Variants in SIPA1L1 observed in about 807,000 individuals in gnomAD.
SIPA1L1 encodes signal-induced proliferation-associated 1-like protein 1.
A neutral mutation model predicts 162.7 loss-of-function variants in SIPA1L1; 26 were observed. That is an observed-to-expected ratio of 0.16 (90% CI 0.12 to 0.22). The LOEUF (loss-of-function observed/expected upper bound fraction) is 0.22, where lower values mean the gene tolerates loss of function less well. Ranked by LOEUF, SIPA1L1 falls within the 10% of genes least tolerant of loss-of-function variation. The pLI is 1.00. For missense variants in SIPA1L1, 1,874 were observed against 2,241.0 expected (o/e 0.84, Z 3.31); for synonymous variants, 829 against 837.4 (o/e 0.99, Z 0.17).
chr14:71,344,600 C>T (rs1049792052), intron 2 of SIPA1L1, among the ~76,000 whole-genome samples: 2 of 152,188 alleles, frequency 1.3e-5, no homozygotes, highest in South Asian at 2.1e-4. Context: ...CAGTCTGTTG[C>T]CCAGGCTGGA....
At chr14:71,599,489 A>G (rs1443433830) in intron 5 of SIPA1L1, among the ~76,000 whole-genome samples, 1 of 147,984 alleles carries the variant, frequency 6.8e-6, no homozygotes, top group Non-Finnish European at 1.5e-5. Flanking sequence ...TAATCACCAA[A>G]TAATGTTCTG....
chr14:71,557,960 T>G (rs926831634), intron 4 of SIPA1L1, among the ~76,000 whole-genome samples: 2 of 152,222 alleles, frequency 1.3e-5, no homozygotes, highest in African/African-American at 4.8e-5. Flanking sequence ...TAAGTGTTGG[T>G]TTGTGATACT....
At chr14:71,646,464 G>T (rs2042180717) in intron 7 of SIPA1L1, among the ~76,000 whole-genome samples, 1 of 152,112 alleles carries the variant, frequency 6.6e-6, no homozygotes, top group African/African-American at 2.4e-5. Context: ...GCGTGAGCCT[G>T]CAGTGTCTGT....
chr14:71,504,890 A>G (rs2050531092), intron 2 of SIPA1L1, among the ~76,000 whole-genome samples: 1 of 152,190 alleles, frequency 6.6e-6, no homozygotes, highest in South Asian at 2.1e-4. Context: ...ACGTGTTCTA[A>G]TCAGTATGTC....
chr14:71,739,239 A>G lies in SIPA1L1; in HGVS notation c.*78A>G, dbSNP rs1460955421. 7 of 1,412,446 alleles carry G rather than the reference A, an allele frequency of 5.0e-6. No homozygotes were observed. The highest frequency in any genetic ancestry group is 6.6e-6 in the Non-Finnish European group (7 of 1,058,550). 87.5% of individuals were successfully genotyped at this position (1,412,446 alleles called of 1,614,324 possible). A position where few individuals can be genotyped will look rare whatever the true frequency, so the allele number is the denominator to read the frequency against. On this transcript the variant is annotated 3_prime_UTR_variant, in exon 24 of 24. Coordinates refer to ENST00000381232, the MANE Select transcript of SIPA1L1 (RefSeq NM_001386936.1). ...CCTGCAGCCCTTATTCCCTCCATAGAAAGCATCCTCAGAGCACCTTCCCTG... is the reference window on the plus strand; with the variant it reads ...CCTGCAGCCCTTATTCCCTCCATAGGAAGCATCCTCAGAGCACCTTCCCTG...
intron 12 of SIPA1L1, among the ~76,000 whole-genome samples, 179 bp downstream of exon 12, chr14:71,672,801 G>A (rs1036513527): frequency 5.3e-5 from 8 of 152,172 alleles, no homozygotes; most frequent in African/African-American, 1.9e-4. Context: ...AGTGTGTGGT[G>A]ACAGCAGCTG....
At chr14:71,707,165 T>C (rs1487522085) in intron 16 of SIPA1L1, among the ~76,000 whole-genome samples, 1 of 151,336 alleles carries the variant, frequency 6.6e-6, no homozygotes. Flanking sequence ...ACACAGTTCC[T>C]TCTCTTCTCT....
Position 71,588,028 on chromosome 14 carries a change from T to C in SIPA1L1, c.156T>C (p.Ala52=). 1 of 1,614,052 alleles carries C rather than the reference T, an allele frequency of 6.2e-7. No homozygotes were observed. The highest frequency in any genetic ancestry group is 2.2e-5 in the East Asian group (1 of 44,874). The change falls in exon 5 of 24, where the codon GCT becomes GCC. Residue 52 remains alanine, a synonymous_variant. Coordinates refer to ENST00000381232, the MANE Select transcript of SIPA1L1 (RefSeq NM_001386936.1). This position sits in a 1 kb window ranked among gnomAD's most constrained non-coding sequence, Gnocchi z 4.3. ...QNGSLGSSVM[A]PVGPPRSEGS... ...GCAGCTTAGGATCATCAGTTATGGC[T>C]CCTGTAGGACCCCCCCGAAGTGAAG...
intron 2 of SIPA1L1, among the ~76,000 whole-genome samples, chr14:71,467,748 G>T (rs2142081903): frequency 6.6e-6 from 1 of 151,746 alleles, no homozygotes; most frequent in South Asian, 2.1e-4. Context: ...GGGCATGGTG[G>T]CTTATGCCTG....
chr14:71,602,977 A>G (rs1299391690), intron 5 of SIPA1L1, among the ~76,000 whole-genome samples: 3 of 152,138 alleles, frequency 2.0e-5, no homozygotes, highest in African/African-American at 7.2e-5. Context: ...TAACTATAAT[A>G]GTATTGGAGT....
At position 71,544,099 on chromosome 14, in the gene SIPA1L1, A is replaced by ACG. The variant is rs1471768612; in HGVS notation, c.-303+14730_-303+14731insGC. Among the ~76,000 whole-genome samples the ACG allele has an allele frequency of 5.4e-3, 816 of 150,738 alleles. 8 individuals are homozygous for ACG. The highest frequency in any genetic ancestry group is 0.018 in the African/African-American group (753 of 40,850). ...CGCACATGTATGTATATACACACGC[A>ACG]CATGTATGTATATACACATATATGC... On this transcript the variant is annotated intron_variant, in intron 4 of 23. Transcript: ENST00000381232.
intron 3 of SIPA1L1, among the ~76,000 whole-genome samples, chr14:71,520,673 T>C (rs2052242655): frequency 6.6e-6 from 1 of 152,228 alleles, no homozygotes; most frequent in South Asian, 2.1e-4. Context: ...ATAGTTCATG[T>C]TACAGGTAGC....
rs752466493 is a variant in SIPA1L1, at chr14:71,705,185, T to G, written c.3647-37T>G. 7 of 1,428,740 alleles carry G rather than the reference T, an allele frequency of 4.9e-6. No individual in the cohort carries two copies. The South Asian group carries it at 8.1e-5, about 16-fold the overall frequency. 88.5% of individuals were successfully genotyped at this position (1,428,740 alleles called of 1,614,324 possible). On this transcript the variant is annotated intron_variant, in intron 15 of 23. Coordinates refer to ENST00000381232, the MANE Select transcript of SIPA1L1 (RefSeq NM_001386936.1). Reference sequence around the variant, plus strand: ...TTGTCACCATGTGCTTGTTTCTGCTTAGTGCCTGCACCATAATGTCCTATG... The same window carrying G: ...TTGTCACCATGTGCTTGTTTCTGCTGAGTGCCTGCACCATAATGTCCTATG...
chr14:71,454,636 T>G (rs1295806036), intron 2 of SIPA1L1, among the ~76,000 whole-genome samples: 1 of 152,138 alleles, frequency 6.6e-6, no homozygotes, highest in Non-Finnish European at 1.5e-5. Context: ...ACTTAGAAAA[T>G]GGACACTTAG....
chr14:71,634,879 T>C (rs1042554323), intron 7 of SIPA1L1, among the ~76,000 whole-genome samples: 2 of 150,516 alleles, frequency 1.3e-5, no homozygotes, highest in African/African-American at 4.9e-5. Context: ...GAGCTTGCAG[T>C]GAGCAGAGAT....
At chr14:71,436,252 G>A (rs1408374297) in intron 2 of SIPA1L1, among the ~76,000 whole-genome samples, 1 of 152,036 alleles carries the variant, frequency 6.6e-6, no homozygotes, top group South Asian at 2.1e-4. Context: ...GTCGTTTATG[G>A]TAATTTTTGC....
rs74912432 is a variant in SIPA1L1 at position 71,406,488 on chromosome 14, G to A, written c.-465+85307G>A. ...CTTTTCTGGGAAGAACACCTTTCTC[G>A]TGTCTTCATGGTTATCAAATCAATA... On this transcript the variant is annotated intron_variant, in intron 2 of 23. Transcript: ENST00000381232. Among the ~76,000 whole-genome samples, 386 of 152,162 alleles carry A rather than the reference G, an allele frequency of 2.5e-3. 6 individuals carry two copies. Among genetic ancestry groups the A allele is most frequent in the Non-Finnish European group, 4.2e-3 (283 of 67,998 alleles).
Position 71,405,633 on chromosome 14 carries a change from T to A in SIPA1L1, c.-465+84452T>A, listed in dbSNP as rs533564071. ...TTCAGTTCACTAAGCTCGGAGTTAC[T>A]CTACTGTGACACAACCTGCTGTTGT... On this transcript the variant is annotated intron_variant, in intron 2 of 23. Transcript: ENST00000381232. Among the ~76,000 whole-genome samples, 12 of 152,310 alleles carry A rather than the reference T, an allele frequency of 7.9e-5. No homozygotes were observed. The South Asian group carries it at 2.5e-3, about 32-fold the overall frequency.
At chr14:71,410,338 A>G (rs1229685207) in intron 2 of SIPA1L1, among the ~76,000 whole-genome samples, 2 of 152,114 alleles carry the variant, frequency 1.3e-5, no homozygotes, top group African/African-American at 2.4e-5. Flanking sequence ...TAGAATTTCA[A>G]ATTTTCAGGA....
Sources: allele counts gnomAD v4.1 joint callset (sites outside exome capture counted in the v4.1 genomes callset), GRCh38; gene constraint gnomAD v4.1.1; non-coding constraint Gnocchi (gnomAD v3.1); transcripts MANE v1.5; gene names NCBI Gene and HGNC (gene_info 2026-07-23, HGNC 2026-07-21).